The following EPB42 variants were observed in gnomAD, a reference collection of about 807,000 sequenced individuals.
The protein encoded by EPB42 is erythrocyte membrane protein band 4.2.
EPB42 carries 49 observed loss-of-function variants against 76.9 expected under a neutral mutation model. That is an observed-to-expected ratio of 0.64 (90% CI 0.51 to 0.81). The LOEUF (loss-of-function observed/expected upper bound fraction) is 0.81. Ranked by LOEUF, EPB42 falls within the 30% of genes least tolerant of loss-of-function variation. The pLI is 0.00. For missense variants in EPB42, 731 were observed against 867.6 expected (o/e 0.84, Z 1.98); for synonymous variants, 310 against 338.4 (o/e 0.92, Z 0.92).
At chr15:43,207,712 G>A (rs747848934) in intron 8 of EPB42, among the ~76,000 whole-genome samples, 16 of 152,348 alleles carry the variant, frequency 1.1e-4, no homozygotes, top group South Asian at 8.3e-4. Flanking sequence ...CATATTTAGC[G>A]TGAGGAGCTC....
At chr15:43,212,790 G>A (rs2042320584) in intron 3 of EPB42, among the ~76,000 whole-genome samples, 1 of 152,204 alleles carries the variant, frequency 6.6e-6, no homozygotes, top group South Asian at 2.1e-4. Context: ...CACCCATTCT[G>A]GGAAGCTAGA....
At chr15:43,216,807 G>A (rs1357385260) in intron 1 of EPB42, among the ~76,000 whole-genome samples, 2 of 152,166 alleles carry the variant, frequency 1.3e-5, no homozygotes, top group Admixed American at 1.3e-4. Context: ...CACAAGCAAT[G>A]AATAAAACCC....
At chr15:43,212,806 G>A (rs1426173317) in intron 3 of EPB42, among the ~76,000 whole-genome samples, 1 of 152,224 alleles carries the variant, frequency 6.6e-6, no homozygotes, top group Non-Finnish European at 1.5e-5. Context: ...CTAGAAGCAG[G>A]AGGGCAACTG....
intron 9 of EPB42, among the ~76,000 whole-genome samples, 175 bp downstream of exon 9, chr15:43,207,024 C>A (rs2042214546): frequency 6.6e-6 from 1 of 152,150 alleles, no homozygotes; most frequent in Admixed American, 6.5e-5. Flanking sequence ...ACAGCCTGTA[C>A]AACAAAGACA....
chr15:43,201,895 C>T lies in EPB42; in HGVS notation c.1862G>A (p.Cys621Tyr). The T allele has an allele frequency of 6.2e-7, 1 of 1,614,192 alleles. No homozygotes were observed. The highest frequency in any genetic ancestry group is 1.1e-5 in the South Asian group (1 of 91,086). ...QNSLDAPMED[C>Y]VISILGRGLI... The stretch of plus-strand genomic sequence containing the variant: ...CCCCCTTCCCAGGATGGAGATCACA[C>T]AGTCCTCCATGGGGGCATCTAGGGA... Residue 621 changes from cysteine (C) to tyrosine (Y), a missense_variant, in exon 12 of 13, where the codon TGT becomes TAT. Transcript: ENST00000441366.
At chr15:43,223,982 GAAAT>G (rs1364402667), upstream of EPB42, among the ~76,000 whole-genome samples, 8 of 152,072 alleles carry the variant, frequency 5.3e-5, no homozygotes, top group South Asian at 2.1e-4. Context: ...CAAAAAAATA[GAAAT>G]AAATAAATTA....
Position 43,197,318 on chromosome 15 carries a change from G to A in EPB42, c.2060C>T (p.Pro687Leu). Reference protein sequence around the residue: ...TNYKSVTVVAPELSA With the variant: ...TNYKSVTVVALELSA ...GCTGGAAGTTTAAGCTGATAGTTCAGGGGCTACCACGGTGACGCTTTTATA... is the reference window on the plus strand; with the variant it reads ...GCTGGAAGTTTAAGCTGATAGTTCAAGGGCTACCACGGTGACGCTTTTATA... Residue 687 changes from proline to leucine, a missense_variant, in exon 13 of 13, where the codon CCT becomes CTT. Transcript: ENST00000441366. 1.2e-6 allele frequency: 2 copies of A among 1,614,232 alleles called. No individual in the cohort carries two copies. The highest frequency in any genetic ancestry group is 1.7e-6 in the Non-Finnish European group (2 of 1,180,028).
chr15:43,222,492 G>C (rs749676739), upstream of EPB42, among the ~76,000 whole-genome samples: 31 of 152,174 alleles, frequency 2.0e-4, no homozygotes, highest in Admixed American at 3.3e-4. Context: ...TCCTGTGTAG[G>C]ACAACTCAAC....
At chr15:43,216,745 A>T (rs1365327819) in intron 1 of EPB42, among the ~76,000 whole-genome samples, 1 of 152,146 alleles carries the variant, frequency 6.6e-6, no homozygotes, top group Non-Finnish European at 1.5e-5. Context: ...TATTATTATT[A>T]ATAAGTGCGT....
chr15:43,221,516 GGA>G (rs2142335433), upstream of EPB42, among the ~76,000 whole-genome samples: 1 of 152,218 alleles, frequency 6.6e-6, no homozygotes, highest in East Asian at 1.9e-4. Context: ...AACTATCTTG[GGA>G]CTCAGGCCCT....
intron 2 of EPB42, among the ~76,000 whole-genome samples, chr15:43,215,943 C>T (rs1044324549): frequency 1.6e-4 from 25 of 152,200 alleles, no homozygotes; most frequent in African/African-American, 5.6e-4. Context: ...CCACCCGCCT[C>T]GGCCTCCCAA....
At chr15:43,217,959 T>C (rs970857057) in intron 1 of EPB42, among the ~76,000 whole-genome samples, 3 of 152,180 alleles carry the variant, frequency 2.0e-5, no homozygotes, top group African/African-American at 4.8e-5. Flanking sequence ...TTATTGAATA[T>C]GAAGAAATGT....
chr15:43,203,172 G>A lies in EPB42; in HGVS notation c.1722C>T (p.Asn574=). 3.1e-6 allele frequency: 5 copies of A among 1,614,120 alleles called. No individual in the cohort carries two copies. The highest frequency in any genetic ancestry group is 4.2e-6 in the Non-Finnish European group (5 of 1,180,024). ...LTAMATHSES[N]LSCFAQEDIA... Reference sequence around the variant, plus strand: ...TGTCTTCCTGAGCAAAGCAGCTAAGGTTGGATTCAGAGTGTGTTGCCATGG... The same window carrying A: ...TGTCTTCCTGAGCAAAGCAGCTAAGATTGGATTCAGAGTGTGTTGCCATGG... Residue 574 remains asparagine, a synonymous_variant, in exon 11 of 13, where the codon AAC becomes AAT. Transcript: ENST00000441366.
upstream of EPB42, chr15:43,221,063 C>G: frequency 1.8e-6 from 1 of 557,234 alleles, no homozygotes; most frequent in East Asian, 3.1e-5. Context: ...CTGGGAGTAA[C>G]CCTGTTCATT....
rs552288100 is a variant in EPB42, at chr15:43,199,164, G to A, written c.1914-1700C>T. On this transcript the variant is annotated intron_variant, in intron 12 of 12. Transcript: ENST00000441366. ...CTAGTGGAGCTGTGAGAAGAGGGCC[G>A]CCATCCTCCACACCCCAGAATGGTA... is the stretch of plus-strand genomic sequence containing the variant. Among the ~76,000 whole-genome samples the A allele has an allele frequency of 2.9e-3, 434 of 152,264 alleles. 2 individuals are homozygous for A. The highest frequency in any genetic ancestry group is 0.011 in the South Asian group (51 of 4,818).
intron 1 of EPB42, among the ~76,000 whole-genome samples, chr15:43,217,799 AG>A (rs1235593247): frequency 2.0e-5 from 3 of 152,224 alleles, no homozygotes; most frequent in African/African-American, 4.8e-5. Flanking sequence ...TGTCAAATTC[AG>A]GATACTCCTA....
At chr15:43,210,517 A>T in intron 4 of EPB42, 78 bp from the exon 5 acceptor site, 1 of 1,281,856 alleles carries the variant, frequency 7.8e-7, no homozygotes, top group Non-Finnish European at 1.1e-6. Flanking sequence ...TCAGGCACTC[A>T]TCCTGCAGGA....
rs1294525696 is a variant in EPB42 at position 43,209,298 on chromosome 15, C to T, written c.808G>A (p.Val270Met). The stretch of plus-strand genomic sequence containing the variant: ...CCTGTGCAAGCAACAGCAGCCAACA[C>T]CCAGGCCTGGCCATCATACACAGGT... ...GRPVYDGQAW[V>M]LAAVACTVLR... is the part of the protein sequence containing the mutation. Residue 270 changes from valine (V) to methionine (M), a missense_variant, in exon 6 of 13, where the codon GTG (valine) becomes ATG (methionine). By Grantham distance (21) the Val-to-Met change is conservative (BLOSUM62 1). Transcript: ENST00000441366. The T allele has an allele frequency of 6.2e-7, 1 of 1,614,034 alleles. No individual in the cohort carries two copies. The highest frequency in any genetic ancestry group is 1.7e-5 in the Admixed American group (1 of 60,010).
intron 1 of EPB42, 54 bp from the exon 2 acceptor site, chr15:43,216,507 T>C: frequency 6.3e-7 from 1 of 1,585,306 alleles, no homozygotes; most frequent in East Asian, 2.2e-5. Flanking sequence ...ACAATGTAAG[T>C]ACAAGCAGAG....
Sources: allele counts gnomAD v4.1 joint callset (sites outside exome capture counted in the v4.1 genomes callset), GRCh38; gene constraint gnomAD v4.1.1; transcripts MANE v1.5; gene names NCBI Gene and HGNC (gene_info 2026-07-23, HGNC 2026-07-21).